Variants in SLC16A9 observed in about 807,000 individuals in gnomAD.
The protein encoded by SLC16A9 is solute carrier family 16 member 9.
A neutral mutation model predicts 44.3 loss-of-function variants in SLC16A9; 26 were observed. The observed-to-expected ratio is 0.59, with a 90% CI of 0.43 to 0.81. The LOEUF (loss-of-function observed/expected upper bound fraction) is 0.81. SLC16A9 is among the 40% of genes least tolerant of loss of function. SLC16A9 has a pLI of 0.00. For missense variants in SLC16A9, 559 were observed against 595.8 expected, an observed-to-expected ratio of 0.94 and a Z score of 0.64; for synonymous variants, 230 against 225.1, an observed-to-expected ratio of 1.02 and a Z score of -0.19.
chr10:59,670,344 G>A (rs1839717210), intron 3 of SLC16A9, among the ~76,000 whole-genome samples: 1 of 152,184 alleles, frequency 6.6e-6, no homozygotes, highest in African/African-American at 2.4e-5. Context: ...TAAAACAAAT[G>A]ATAATGGTTT....
chr10:59,703,788 G>T (rs1476261037), intron 1 of SLC16A9, among the ~76,000 whole-genome samples: 1 of 150,762 alleles, frequency 6.6e-6, no homozygotes, highest in African/African-American at 2.4e-5. Flanking sequence ...GCGAGATCTC[G>T]GCTCACTGCA....
At chr10:59,696,663 G>C (rs1265489622) in intron 1 of SLC16A9, among the ~76,000 whole-genome samples, 1 of 150,018 alleles carries the variant, frequency 6.7e-6, no homozygotes, top group African/African-American at 2.5e-5. Context: ...AGTGAGGAGT[G>C]TCTCTGCCCG....
intron 1 of SLC16A9, among the ~76,000 whole-genome samples, chr10:59,705,717 C>T (rs2132556313): frequency 6.6e-6 from 1 of 152,190 alleles, no homozygotes; most frequent in South Asian, 2.1e-4. Context: ...ATACATTATT[C>T]TTTTACTGAT....
chr10:59,686,619 T>G (rs980444724), intron 1 of SLC16A9, among the ~76,000 whole-genome samples: 8 of 152,152 alleles, frequency 5.3e-5, no homozygotes, highest in Admixed American at 2.6e-4. Flanking sequence ...GATGTCTGTA[T>G]GTTAATTTTA....
In SLC16A9 at chr10:59,672,680, C is replaced by T. The variant is rs908422000; in HGVS notation, c.340+90G>A. The T allele has an allele frequency of 2.0e-5, 26 of 1,307,362 alleles. 1 individual carries two copies. The highest frequency in any genetic ancestry group is 6.4e-5 in the South Asian group (4 of 62,346). The allele number at this position is 1,307,362 out of a possible 1,614,324, so 81.0% of individuals were successfully genotyped here. On this transcript the variant is annotated intron_variant, in intron 3 of 5. Transcript: ENST00000395348. The stretch of plus-strand genomic sequence containing the variant: ...AAATTATTAGTGAGCATTTTCACTC[C>T]TTTACATTAACTGGATCATAAACCT...
intron 5 of SLC16A9, among the ~76,000 whole-genome samples, chr10:59,653,425 C>CAAAAAAAAAAATAAAAAAAAA (rs1839259832): frequency 2.7e-5 from 1 of 36,764 alleles, no homozygotes; most frequent in African/African-American, 5.9e-5. Context: ...AACTCCGTCT[C>CAAAAAAAAAAATAAAAAAAAA]AAAAAAAAAA....
At chr10:59,674,039 G>T (rs1390310171) in intron 2 of SLC16A9, among the ~76,000 whole-genome samples, 1 of 152,184 alleles carries the variant, frequency 6.6e-6, no homozygotes, top group Non-Finnish European at 1.5e-5. Context: ...GTTATAATCA[G>T]AAGAGCGCAA....
At chr10:59,700,170 C>T (rs1007731939) in intron 1 of SLC16A9, among the ~76,000 whole-genome samples, 1 of 152,146 alleles carries the variant, frequency 6.6e-6, no homozygotes, top group Non-Finnish European at 1.5e-5. Flanking sequence ...GCACTGAAGT[C>T]CAAACAAGGT....
chr10:59,698,915 T>C (rs1343631260), intron 1 of SLC16A9, among the ~76,000 whole-genome samples: 1 of 152,106 alleles, frequency 6.6e-6, no homozygotes, highest in Non-Finnish European at 1.5e-5. Context: ...TGTTTTTTCT[T>C]GTATTTTTAG....
chr10:59,654,058 G>C lies in SLC16A9; in HGVS notation c.968C>G (p.Pro323Arg), dbSNP rs746292427. The change falls in exon 5 of 6, where the codon CCT becomes CGT. Residue 323 changes from proline (P) to arginine (R), a missense_variant. Transcript: ENST00000395348. ...TGCTACATCTTCCATAAGTAATGAA[G>C]GTGGAAACCCTCCGATGTCAAAGAG... ...ILLFDIGGFP[P>R]SLLMEDVARS... The C allele has an allele frequency of 3.1e-6, 5 of 1,613,882 alleles. No homozygotes were observed. The African/African-American group carries it at 5.3e-5, about 17-fold the overall frequency.
At chr10:59,653,177 T>C (rs1274587479) in intron 5 of SLC16A9, among the ~76,000 whole-genome samples, 1 of 151,716 alleles carries the variant, frequency 6.6e-6, no homozygotes, top group Non-Finnish European at 1.5e-5. Flanking sequence ...CCCAGCACTT[T>C]GGGAGGCCGA....
At chr10:59,698,173 C>A (rs1446569515) in intron 1 of SLC16A9, among the ~76,000 whole-genome samples, 1 of 152,164 alleles carries the variant, frequency 6.6e-6, no homozygotes, top group Non-Finnish European at 1.5e-5. Context: ...AAATCTAGGG[C>A]TTTGGAAACT....
intron 3 of SLC16A9, among the ~76,000 whole-genome samples, chr10:59,670,941 C>T (rs1281605513): frequency 6.6e-6 from 1 of 152,136 alleles, no homozygotes; most frequent in Admixed American, 6.5e-5. Flanking sequence ...TCACAGGTCC[C>T]CAATAATTAC....
intron 1 of SLC16A9, among the ~76,000 whole-genome samples, chr10:59,697,595 C>T (rs999866190): frequency 6.0e-5 from 9 of 149,284 alleles, no homozygotes; most frequent in South Asian, 2.1e-4. Flanking sequence ...ACAAACACTG[C>T]GGAAGGCCGC....
chr10:59,673,939 T>C (rs1839805625), intron 2 of SLC16A9, among the ~76,000 whole-genome samples: 1 of 152,194 alleles, frequency 6.6e-6, no homozygotes. Context: ...GTACAACCCA[T>C]ATACTTTCAA....
chr10:59,679,058 A>G (rs1839930142), intron 2 of SLC16A9, among the ~76,000 whole-genome samples: 1 of 152,130 alleles, frequency 6.6e-6, no homozygotes, highest in Admixed American at 6.5e-5. Context: ...TCGTATTATG[A>G]GTTTGAACAC....
chr10:59,687,990 A>G (rs938847726), intron 1 of SLC16A9, among the ~76,000 whole-genome samples: 13 of 151,828 alleles, frequency 8.6e-5, no homozygotes, highest in Non-Finnish European at 4.4e-5. Context: ...AAGGAAAGAA[A>G]AGAAAAGAAA....
chr10:59,673,226 C>A (rs1043751967), intron 2 of SLC16A9, among the ~76,000 whole-genome samples: 2 of 152,112 alleles, frequency 1.3e-5, no homozygotes, highest in Non-Finnish European at 2.9e-5. Flanking sequence ...GGTAGCTATT[C>A]GGTCTTGGGC....
chr10:59,692,211 G>A (rs915485287), intron 1 of SLC16A9, among the ~76,000 whole-genome samples: 18 of 152,180 alleles, frequency 1.2e-4, no homozygotes, highest in Non-Finnish European at 2.6e-4. Flanking sequence ...ATTCCAGGTT[G>A]ATTTTGCCTT....
Sources: allele counts gnomAD v4.1 joint callset (sites outside exome capture counted in the v4.1 genomes callset), GRCh38; gene constraint gnomAD v4.1.1; transcripts MANE v1.5; gene names NCBI Gene and HGNC (gene_info 2026-07-23, HGNC 2026-07-21).